The following ANO2 variants were observed in gnomAD, a reference collection of about 807,000 sequenced individuals.
ANO2 encodes anoctamin 2, also known as anoctamin-2.
Under a neutral mutation model 124.2 loss-of-function variants are expected in ANO2, and 101 were observed. That is an observed-to-expected ratio of 0.81 (90% CI 0.69 to 0.96). ANO2 has a LOEUF of 0.96. Among genes scored for constraint, ANO2 ranks in the 40% least tolerant of loss-of-function variants. ANO2 has a pLI of 0.00. For missense variants in ANO2, 1,293 were observed against 1,274.5 expected, an observed-to-expected ratio of 1.01 and a Z score of -0.22; for synonymous variants, 486 against 482.5, an observed-to-expected ratio of 1.01 and a Z score of -0.09.
At chr12:5,670,972 G>A in intron 14 of ANO2, among the ~76,000 whole-genome samples, 1 of 152,166 alleles carries the variant, frequency 6.6e-6, no homozygotes, top group Non-Finnish European at 1.5e-5. Context: ...AGGCAGAGTC[G>A]TGTCTAGAGC....
At chr12:5,919,072 G>A (rs536603877) in intron 3 of ANO2, among the ~76,000 whole-genome samples, 2 of 152,252 alleles carry the variant, frequency 1.3e-5, no homozygotes, top group South Asian at 2.1e-4. Flanking sequence ...GAGCTAGTGG[G>A]AGCACAGATA....
chr12:5,822,375 A>G (rs1359155483), intron 7 of ANO2, among the ~76,000 whole-genome samples: 1 of 152,194 alleles, frequency 6.6e-6, no homozygotes, highest in Non-Finnish European at 1.5e-5. Flanking sequence ...GGGTGACCTC[A>G]GCAGTGGAGT....
intron 14 of ANO2, among the ~76,000 whole-genome samples, chr12:5,707,101 G>A (rs576410346): frequency 5.9e-5 from 9 of 152,296 alleles, no homozygotes; most frequent in African/African-American, 1.9e-4. Context: ...GGGACCTGGT[G>A]GAAGGTGACT....
In ANO2 at chr12:5,872,594, C is replaced by A. The variant is rs185097679; in HGVS notation, c.535-18453G>T. Among the ~76,000 whole-genome samples the A allele has an allele frequency of 2.0e-5, 3 of 152,224 alleles. No homozygotes were observed. The East Asian group carries it at 5.8e-4, about 29-fold the overall frequency. On this transcript the variant is annotated intron_variant, in intron 3 of 24. Transcript: ENST00000682330. ...TGTTTGCACAAACCACTCAGTTCTA[C>A]GTTTTAGAAGAGTGCACTTAATAGT...
intron 15 of ANO2, among the ~76,000 whole-genome samples, chr12:5,642,432 A>T (rs1006978689): frequency 1.1e-4 from 16 of 145,590 alleles, no homozygotes; most frequent in Non-Finnish European, 2.9e-5. Context: ...CCTTAGAGTC[A>T]TTCTTGATTT....
intron 11 of ANO2, among the ~76,000 whole-genome samples, chr12:5,748,165 G>A (rs188970643): frequency 1.3e-5 from 2 of 152,354 alleles, no homozygotes; most frequent in African/African-American, 2.4e-5. Context: ...GTCTATCGTT[G>A]CAGCATGTGC....
chr12:5,895,133 T>C (rs1201180307), intron 3 of ANO2, among the ~76,000 whole-genome samples: 1 of 152,166 alleles, frequency 6.6e-6, no homozygotes, highest in Non-Finnish European at 1.5e-5. Context: ...GCATGGAATG[T>C]TTTTCCATTT....
At position 5,922,739 on chromosome 12, in the gene ANO2, C is replaced by G; in HGVS notation, c.88G>C (p.Gly30Arg). The G allele has an allele frequency of 6.3e-7, 1 of 1,599,946 alleles. No individual in the cohort carries two copies. The highest frequency in any genetic ancestry group is 8.5e-7 in the Non-Finnish European group (1 of 1,174,164). ...SPQAGSRGGQ[G>R]PKHGQQCLKM... ...AGACACTGCTGTCCATGTTTGGGGC[C>G]CTGGCCCCCTCTGGACCCTGCCTGA... Residue 30 changes from glycine (G) to arginine (R), a missense_variant, in exon 2 of 25, where the codon GGC becomes CGC. Transcript: ENST00000682330.
At chr12:5,813,995 T>G (rs1256366981) in intron 7 of ANO2, among the ~76,000 whole-genome samples, 1 of 152,194 alleles carries the variant, frequency 6.6e-6, no homozygotes, top group East Asian at 1.9e-4. Context: ...TGTGCCTATC[T>G]TCCATCTTCC....
rs535210088 is a variant in ANO2, at chr12:5,899,616, C to T, written c.534+21424G>A. On this transcript the variant is annotated intron_variant, in intron 3 of 24. Transcript: ENST00000682330. ...CAAATGTTTGTTCCCTTTCTCCTCT[C>T]CTTTCCCTAGGGAAACTGAAGATTC... Among the ~76,000 whole-genome samples, 24 of 152,308 alleles carry T rather than the reference C, an allele frequency of 1.6e-4. No homozygotes were observed. The South Asian group carries it at 4.8e-3, about 30-fold the overall frequency.
At chr12:5,927,985 A>T (rs1310279109) in intron 1 of ANO2, among the ~76,000 whole-genome samples, 1 of 152,166 alleles carries the variant, frequency 6.6e-6, no homozygotes, top group African/African-American at 2.4e-5. Flanking sequence ...CTGACAGGGG[A>T]AACACCAAAG....
Position 5,648,231 on chromosome 12 carries a change from C to A in ANO2, c.1546-430G>T, listed in dbSNP as rs535799411. On this transcript the variant is annotated intron_variant, in intron 14 of 24. Coordinates refer to ENST00000682330, the MANE Select transcript of ANO2 (RefSeq NM_001364791.2). The stretch of plus-strand genomic sequence containing the variant: ...CATGTGAATATAGTAAAGCAGTGGA[C>A]AAATGACAGATACGACCCAACCACA... Among the ~76,000 whole-genome samples the A allele has an allele frequency of 2.0e-5, 3 of 152,248 alleles. No individual in the cohort carries two copies. In the South Asian group the frequency reaches 6.2e-4, roughly 32 times the overall value.
At position 5,806,045 on chromosome 12, in the gene ANO2, G is replaced by C. The variant is rs1009128514; in HGVS notation, c.990+7C>G. The stretch of plus-strand genomic sequence containing the variant: ...AAAGTCCAGGATGCTGCACGAGGCA[G>C]GCTTACCTTCCTGTCATTCATATCG... On this transcript the variant is annotated splice_region_variant and intron_variant, in intron 9 of 24. Transcript: ENST00000682330. The C allele has an allele frequency of 6.2e-7, 1 of 1,613,588 alleles. No individual in the cohort carries two copies. The highest frequency in any genetic ancestry group is 8.5e-7 in the Non-Finnish European group (1 of 1,179,716).
intron 15 of ANO2, among the ~76,000 whole-genome samples, chr12:5,645,686 T>G (rs1394115499): frequency 6.6e-6 from 1 of 152,196 alleles, no homozygotes; most frequent in Non-Finnish European, 1.5e-5. Flanking sequence ...TTCCCACTGG[T>G]TCTTTCATAT....
intron 14 of ANO2, among the ~76,000 whole-genome samples, chr12:5,727,580 A>G (rs535088879): frequency 6.4e-4 from 96 of 150,804 alleles, no homozygotes; most frequent in Non-Finnish European, 8.8e-4. Flanking sequence ...TGAAAAACTA[A>G]ATTTTTTTCT....
chr12:5,578,029 G>A (rs761734765), intron 21 of ANO2, 22 bp from the exon 22 acceptor site: 23 of 1,612,348 alleles, frequency 1.4e-5, no homozygotes, highest in South Asian at 1.1e-4. Flanking sequence ...AAAAGACAGC[G>A]TCTGGCTCAC....
chr12:5,666,320 T>C (rs1947713457), intron 14 of ANO2, among the ~76,000 whole-genome samples: 2 of 152,158 alleles, frequency 1.3e-5, no homozygotes, highest in Non-Finnish European at 2.9e-5. Flanking sequence ...TAGAGAAACA[T>C]TGATGGTAGG....
At chr12:5,617,591 C>G (rs891884638) in intron 16 of ANO2, among the ~76,000 whole-genome samples, 12 of 151,950 alleles carry the variant, frequency 7.9e-5, no homozygotes, top group African/African-American at 2.4e-4. Flanking sequence ...ACCACACCCT[C>G]AAGATCACGA....
Position 5,839,881 on chromosome 12 carries a change from C to G in ANO2, c.634-7278G>C, listed in dbSNP as rs186652978. Among the ~76,000 whole-genome samples the G allele has an allele frequency of 7.2e-3, 1,102 of 152,234 alleles. 16 individuals carry two copies. The highest frequency in any genetic ancestry group is 0.025 in the African/African-American group (1,032 of 41,524). On this transcript the variant is annotated intron_variant, in intron 4 of 24. Coordinates refer to ENST00000682330, the MANE Select transcript of ANO2 (RefSeq NM_001364791.2). ...CAGGAGCCCAGGCTTCCTGCCTTCC[C>G]CTTCTGGAGCCCTTTACTTCAACCT...
Sources: gnomAD v4.1 joint callset for allele counts (sites outside exome capture counted in the v4.1 genomes callset) on GRCh38, gnomAD v4.1.1 for gene constraint, MANE v1.5 for transcripts, NCBI Gene and HGNC (gene_info 2026-07-23, HGNC 2026-07-21) for gene names.